The following PALM2AKAP2 variants were observed in gnomAD, a reference collection of about 807,000 sequenced individuals.
PALM2AKAP2 encodes the protein PALM2-AKAP2 fusion protein.
PALM2AKAP2 carries 37 observed loss-of-function variants against 71.5 expected under a neutral mutation model. That is an observed-to-expected ratio of 0.52 (90% CI 0.40 to 0.68). The LOEUF is 0.68. Ranked by LOEUF, PALM2AKAP2 falls within the 30% of genes least tolerant of loss-of-function variation. The pLI is 0.00. For missense variants in PALM2AKAP2, 1,224 were observed against 1,191.8 expected (o/e 1.03, Z -0.40); for synonymous variants, 468 against 478.8 (o/e 0.98, Z 0.29).
chr9:110,155,371 T>C (rs559653380), intron 2 of PALM2AKAP2, among the ~76,000 whole-genome samples: 4 of 152,318 alleles, frequency 2.6e-5, no homozygotes, highest in African/African-American at 9.6e-5. Context: ...ATAATTGTTA[T>C]ACTTGAAGAT....
Position 109,703,819 on chromosome 9 carries a change from G to C in PALM2AKAP2, c.5+62953G>C, listed in dbSNP as rs114477324. On this transcript the variant is annotated intron_variant, in intron 1 of 6. Transcript: ENST00000374531. ...AAAAAATTAACCTACTTGAGAATAT[G>C]TTAACTAATCTACAGAGGACATTAG... 3.5e-3 allele frequency among the ~76,000 whole-genome samples: 525 copies of C among 152,124 alleles called. 5 individuals are homozygous for C. Among genetic ancestry groups the C allele is most frequent in the African/African-American group, 0.012 (496 of 41,528 alleles).
intron 1 of PALM2AKAP2, among the ~76,000 whole-genome samples, chr9:109,816,250 T>C (rs543013684): frequency 3.2e-4 from 49 of 152,324 alleles, no homozygotes; most frequent in African/African-American, 1.2e-3. Flanking sequence ...TTTTGCCAGA[T>C]ACCTGGATGT....
chr9:109,956,010 ATT>A (rs879853381), intron 6 of PALM2AKAP2, among the ~76,000 whole-genome samples: 3 of 143,610 alleles, frequency 2.1e-5, no homozygotes. Flanking sequence ...GGAAAGACTA[ATT>A]TTTTTTTTTT....
At chr9:109,831,188 T>C (rs558300897) in intron 1 of PALM2AKAP2, among the ~76,000 whole-genome samples, 383 of 145,820 alleles carry the variant, frequency 2.6e-3, no homozygotes, top group Non-Finnish European at 4.3e-3. Flanking sequence ...CACACAAGCA[T>C]AAATAGGGCA....
Position 109,729,552 on chromosome 9 carries a change from T to A in PALM2AKAP2, c.6-50936T>A, listed in dbSNP as rs1828524436. Among the ~76,000 whole-genome samples the A allele has an allele frequency of 2.0e-5, 3 of 152,214 alleles. No individual in the cohort carries two copies. The South Asian group carries it at 6.2e-4, about 32-fold the overall frequency. On this transcript the variant is annotated intron_variant, in intron 1 of 6. Transcript: ENST00000374531. ...ATTGAGGAAGCAAATATTAATTAGA[T>A]TAATTAATTGAAGAAATAAATATGA...
At chr9:109,892,675 T>C (rs558659124) in intron 3 of PALM2AKAP2, among the ~76,000 whole-genome samples, 1 of 152,322 alleles carries the variant, frequency 6.6e-6, no homozygotes, top group East Asian at 1.9e-4. Flanking sequence ...GGCATGAACA[T>C]CCGCGTAATA....
chr9:109,657,263 C>A (rs1827320464), intron 1 of PALM2AKAP2, among the ~76,000 whole-genome samples: 1 of 152,226 alleles, frequency 6.6e-6, no homozygotes, highest in African/African-American at 2.4e-5. Context: ...CTTCTTCAGG[C>A]ACCAGCCTGA....
At chr9:109,695,649 G>T (rs1827959404) in intron 1 of PALM2AKAP2, among the ~76,000 whole-genome samples, 1 of 152,054 alleles carries the variant, frequency 6.6e-6, no homozygotes, top group Non-Finnish European at 1.5e-5. Context: ...GAATGAATGA[G>T]TAAAGAAAAT....
chr9:109,680,184 G>T (rs1827707829), intron 1 of PALM2AKAP2, among the ~76,000 whole-genome samples: 1 of 152,150 alleles, frequency 6.6e-6, no homozygotes, highest in African/African-American at 2.4e-5. Context: ...TCCCACCTAG[G>T]ATATATATGG....
At chr9:110,044,344 CTTTTT>C (rs57314430), upstream of PALM2AKAP2, among the ~76,000 whole-genome samples, 65 of 80,146 alleles carry the variant, frequency 8.1e-4, no homozygotes, top group Non-Finnish European at 1.3e-3. Flanking sequence ...TTCTTTCTTT[CTTTTT>C]TTTTTTTTTT....
At chr9:109,837,804 G>A (rs1295687081) in intron 1 of PALM2AKAP2, among the ~76,000 whole-genome samples, 3 of 152,076 alleles carry the variant, frequency 2.0e-5, no homozygotes, top group Non-Finnish European at 2.9e-5. Context: ...AATGGTAAAG[G>A]GATCAATTCA....
rs1352364330 is a variant in PALM2AKAP2 at position 109,731,023 on chromosome 9, C to T, written c.6-49465C>T. Among the ~76,000 whole-genome samples, 4 of 152,272 alleles carry T rather than the reference C, an allele frequency of 2.6e-5. No homozygotes were observed. The East Asian group carries it at 7.7e-4, about 29-fold the overall frequency. On this transcript the variant is annotated intron_variant, in intron 1 of 6. Coordinates refer to the PALM2AKAP2 transcript ENST00000374531. Reference sequence around the variant, plus strand: ...CTTTCCAACCGGGGACTGTCAAATGCTAACCAACCATCCTGAAGCATGAAT... The same window carrying T: ...CTTTCCAACCGGGGACTGTCAAATGTTAACCAACCATCCTGAAGCATGAAT...
intron 1 of PALM2AKAP2, among the ~76,000 whole-genome samples, chr9:109,826,691 T>A (rs1053582512): frequency 5.3e-5 from 8 of 152,178 alleles, no homozygotes; most frequent in African/African-American, 1.7e-4. Context: ...AGGAGAAAGC[T>A]AATGAAGATG....
chr9:110,108,432 C>A (rs545673445), intron 1 of PALM2AKAP2, among the ~76,000 whole-genome samples: 1 of 152,050 alleles, frequency 6.6e-6, no homozygotes, highest in East Asian at 1.9e-4. Flanking sequence ...TTTTCTAGTA[C>A]GCTGATGAGA....
At chr9:109,681,505 A>T (rs938037138) in intron 1 of PALM2AKAP2, among the ~76,000 whole-genome samples, 2 of 152,218 alleles carry the variant, frequency 1.3e-5, no homozygotes, top group Non-Finnish European at 2.9e-5. Context: ...GATGAAAAGG[A>T]TTCCTGCCTG....
chr9:109,844,973 G>T (rs1026841344), intron 1 of PALM2AKAP2, among the ~76,000 whole-genome samples: 1 of 147,776 alleles, frequency 6.8e-6, no homozygotes, highest in Non-Finnish European at 1.5e-5. Flanking sequence ...GTGCACACAC[G>T]CATGCACGCA....
intron 7 of PALM2AKAP2, among the ~76,000 whole-genome samples, chr9:110,038,970 A>G (rs1833466622): frequency 1.4e-5 from 2 of 143,770 alleles, no homozygotes; most frequent in Admixed American, 7.2e-5. Context: ...CCTAGAAAAC[A>G]CTAATAACGT....
intron 2 of PALM2AKAP2, among the ~76,000 whole-genome samples, chr9:109,877,588 GACA>G (rs1044397207): frequency 1.3e-5 from 2 of 152,172 alleles, no homozygotes; most frequent in Non-Finnish European, 2.9e-5. Context: ...GAACAGGATG[GACA>G]ACAACAATAG....
At chr9:109,923,806 A>G (rs1181945080) in exon 4 of PALM2AKAP2, 1 of 1,603,116 alleles carries the variant, frequency 6.2e-7, no homozygotes, top group Non-Finnish European at 8.5e-7. Context: ...ATCATCCTAG[A>G]GAAACTGAAG....
Sources: gnomAD v4.1 joint callset for allele counts (sites outside exome capture counted in the v4.1 genomes callset) on GRCh38, gnomAD v4.1.1 for gene constraint, MANE v1.5 for transcripts, NCBI Gene and HGNC (gene_info 2026-07-23, HGNC 2026-07-21) for gene names.